DHX33: variants seen among roughly 807,000 people sequenced by gnomAD.
The protein encoded by DHX33 is DEAH-box helicase 33, also known as ATP-dependent RNA helicase DHX33.
A neutral mutation model predicts 72.5 loss-of-function variants in DHX33; 42 were observed. The observed-to-expected ratio is 0.58, with a 90% CI of 0.45 to 0.75. DHX33 has a LOEUF of 0.75. Ranked by LOEUF, DHX33 falls within the 30% of genes least tolerant of loss-of-function variation. The pLI, the probability that DHX33 is intolerant of heterozygous loss-of-function variation, is 0.00. For synonymous variants in DHX33, 358 were observed against 366.1 expected (o/e 0.98, Z 0.25); for missense variants, 842 against 917.5 (o/e 0.92, Z 1.06).
chr17:5,455,839 C>A lies in DHX33; in HGVS notation c.1035+158G>T, dbSNP rs147824174. Among the ~76,000 whole-genome samples, 3 of 152,326 alleles carry A rather than the reference C, an allele frequency of 2.0e-5. No homozygotes were observed. The East Asian group carries it at 5.8e-4, about 29-fold the overall frequency. On this transcript the variant is annotated intron_variant, in intron 5 of 11. Coordinates refer to ENST00000225296, the MANE Select transcript of DHX33 (RefSeq NM_020162.4). ...GTCACAGGAGCGCTGCGTGTGTCAC[C>A]GCGCATTTTATTCCTGCACCTCCTC...
At position 5,468,773 on chromosome 17, in the gene DHX33, C is replaced by T; in HGVS notation, c.87G>A (p.Gly29=). The change falls in exon 1 of 12, where the codon GGG becomes GGA. Residue 29 remains glycine, a synonymous_variant. Coordinates refer to ENST00000225296, the MANE Select transcript of DHX33 (RefSeq NM_020162.4). ...CAGTCAGCAGCATCACCACTTGCCT[C>T]CCGGGAGGGAAGGACCCAGCGCGGC... is the stretch of plus-strand genomic sequence containing the variant. ...PPSRAGSFPP[G]RQVVMLLTAG... is the part of the protein sequence containing the mutation. 6.2e-7 allele frequency: 1 copy of T among 1,609,674 alleles called. No individual in the cohort carries two copies. The highest frequency in any genetic ancestry group is 8.5e-7 in the Non-Finnish European group (1 of 1,178,328).
At chr17:5,461,398 T>C (rs1347008055) in intron 3 of DHX33, 9 of 184,594 alleles carry the variant, frequency 4.9e-5, no homozygotes, top group Middle Eastern at 2.0e-3. Context: ...GGCAGGCGGA[T>C]CACGAGGTCA....
At chr17:5,465,117 T>C (rs548533003) in intron 1 of DHX33, among the ~76,000 whole-genome samples, 1 of 152,350 alleles carries the variant, frequency 6.6e-6, no homozygotes. Flanking sequence ...CAGTAAATGT[T>C]ACTTCCTACC....
chr17:5,444,600 A>G lies in DHX33; in HGVS notation c.1816-87T>C. The stretch of plus-strand genomic sequence containing the variant: ...ACAGCGTGTTGGGGCAACTGGACCC[A>G]CTGGGGCAAAAGCAGCCCACATTGT... On this transcript the variant is annotated intron_variant, in intron 11 of 11. Coordinates refer to ENST00000225296, the MANE Select transcript of DHX33 (RefSeq NM_020162.4). The surrounding 1 kb of genome is among the most constrained non-coding windows in gnomAD (Gnocchi z 4.9). The G allele has an allele frequency of 7.2e-7, 1 of 1,381,536 alleles. No homozygotes were observed. The allele number at this position is 1,381,536 out of a possible 1,614,324, so 85.6% of individuals were successfully genotyped here. A position where few individuals can be genotyped will look rare whatever the true frequency, so the allele number is the denominator to read the frequency against.
At chr17:5,445,065 C>T (rs900733477) in intron 11 of DHX33, among the ~76,000 whole-genome samples, 1 of 151,952 alleles carries the variant, frequency 6.6e-6, no homozygotes, top group African/African-American at 2.4e-5. Flanking sequence ...TTCCTCTCAC[C>T]GCTCTTTTTC....
Position 5,453,918 on chromosome 17 carries a change from CTG to C in DHX33, c.1208_1209del (p.Thr403ArgfsTer21), listed in dbSNP as rs1294593230. 1.2e-6 allele frequency: 2 copies of C among 1,614,164 alleles called. No homozygotes were observed. Among genetic ancestry groups the C allele is most frequent in the South Asian group, 2.2e-5 (2 of 91,084 alleles). Reference protein sequence around the residue: ...RVSKTQAWQRTGRAGREDSGI... With the variant: ...RVSKTQAWQRXGRAGREDSGI... ...CCACTGTCCTCTCTGCCAGCCCTCC[CTG>C]TGCGCTGCCAAGCCTGCGTCTTCGA... On this transcript the variant is annotated frameshift_variant, in exon 7 of 12. Transcript: ENST00000225296. LOFTEE classifies it high-confidence loss of function.
At position 5,446,941 on chromosome 17, in the gene DHX33, C is replaced by T. The variant is rs1259473575; in HGVS notation, c.1815+1868G>A. ...TACAATAGGCTACTATGAGAAGAAACAGCTCTAGTGCCAACCGTAGGCCGT... is the reference window on the plus strand; with the variant it reads ...TACAATAGGCTACTATGAGAAGAAATAGCTCTAGTGCCAACCGTAGGCCGT... On this transcript the variant is annotated intron_variant, in intron 11 of 11. Transcript: ENST00000225296. 2.0e-5 allele frequency among the ~76,000 whole-genome samples: 3 copies of T among 152,272 alleles called. No homozygotes were observed. In the East Asian group the frequency reaches 5.8e-4, roughly 29 times the overall value.
chr17:5,455,919 G>A (rs1458595297), intron 5 of DHX33, 78 bp downstream of exon 5: 3 of 1,454,534 alleles, frequency 2.1e-6, no homozygotes, highest in East Asian at 5.0e-5. Flanking sequence ...TCTGGAGCCT[G>A]GTAACAGGTA....
At chr17:5,464,057 T>C (rs1221688826) in intron 1 of DHX33, among the ~76,000 whole-genome samples, 2 of 151,966 alleles carry the variant, frequency 1.3e-5, no homozygotes, top group African/African-American at 4.8e-5. Flanking sequence ...GCAAATCGGC[T>C]GGGCACAGTG....
intron 11 of DHX33, among the ~76,000 whole-genome samples, chr17:5,445,361 G>A (rs546698388): frequency 1.3e-5 from 2 of 152,280 alleles, no homozygotes; most frequent in African/African-American, 2.4e-5. Context: ...TTACAGGCGT[G>A]AGCCACCGCG....
intron 4 of DHX33, among the ~76,000 whole-genome samples, chr17:5,456,505 G>T (rs114857095): frequency 0.01 from 1,569 of 152,098 alleles, 25 homozygotes; most frequent in African/African-American, 0.036. Flanking sequence ...TTTTAAATTG[G>T]TCAGGGGTGG....
Position 5,444,653 on chromosome 17 carries a change from C to G in DHX33, c.1816-140G>C, listed in dbSNP as rs964874650. 1.1e-6 allele frequency: 1 copy of G among 903,498 alleles called. No individual in the cohort carries two copies. The highest frequency in any genetic ancestry group is 1.6e-6 in the Non-Finnish European group (1 of 606,470). 56.0% of individuals were successfully genotyped at this position (903,498 alleles called of 1,614,324 possible). A position where few individuals can be genotyped will look rare whatever the true frequency, so the allele number is the denominator to read the frequency against. ...GCCTAACGATGTGGATTCTGACATT[C>G]GGAGGTGGTCACCAAGGATCAGCAA... On this transcript the variant is annotated intron_variant, in intron 11 of 11. Coordinates refer to ENST00000225296, the MANE Select transcript of DHX33 (RefSeq NM_020162.4). The surrounding 1 kb of genome is among the most constrained non-coding windows in gnomAD (Gnocchi z 4.9).
At position 5,444,859 on chromosome 17, in the gene DHX33, C is replaced by T. The variant is rs996307834; in HGVS notation, c.1816-346G>A. 1.3e-5 allele frequency among the ~76,000 whole-genome samples: 2 copies of T among 152,166 alleles called. No homozygotes were observed. The highest frequency in any genetic ancestry group is 4.8e-5 in the African/African-American group (2 of 41,444). On this transcript the variant is annotated intron_variant, in intron 11 of 11. Transcript: ENST00000225296. The surrounding 1 kb of genome is among the most constrained non-coding windows in gnomAD (Gnocchi z 4.9). ...CCGGAAAGGAAAGGCCCTTCCCTCT[C>T]GCTTTGACCATCTCACCATCTCCTC...
chr17:5,448,909 A>G lies in DHX33; in HGVS notation c.1729-14T>C. 6.3e-7 allele frequency: 1 copy of G among 1,597,264 alleles called. No individual in the cohort carries two copies. The highest frequency in any genetic ancestry group is 2.2e-5 in the East Asian group (1 of 44,632). On this transcript the variant is annotated splice_polypyrimidine_tract_variant and intron_variant, in intron 10 of 11. Coordinates refer to ENST00000225296, the MANE Select transcript of DHX33 (RefSeq NM_020162.4). ...TTTGCACCAATCCTGAATAGGAGAA[A>G]GAGTGATATCACAATCCACTCATTC... is the stretch of plus-strand genomic sequence containing the variant.
At chr17:5,454,042 G>A (rs973222110) in intron 6 of DHX33, 62 bp from the exon 7 acceptor site, 3 of 1,568,364 alleles carry the variant, frequency 1.9e-6, no homozygotes, top group African/African-American at 1.4e-5. Context: ...CTACAGTGTC[G>A]ATAAAAAGAA....
intron 8 of DHX33, among the ~76,000 whole-genome samples, chr17:5,452,767 C>T (rs1233441761): frequency 6.6e-6 from 1 of 152,116 alleles, no homozygotes; most frequent in Admixed American, 6.6e-5. Flanking sequence ...ACTACATATA[C>T]TCATATATGC....
At chr17:5,445,357 GCGTGAGCCA>G (rs1424726999) in intron 11 of DHX33, among the ~76,000 whole-genome samples, 1 of 152,210 alleles carries the variant, frequency 6.6e-6, no homozygotes, top group Non-Finnish European at 1.5e-5. Flanking sequence ...GGGATTACAG[GCGTGAGCCA>G]CCGCGCCCGG....
rs766522743 is a variant in DHX33, at chr17:5,463,543, C to T, written c.436G>A (p.Glu146Lys). Residue 146 changes from glutamate (E) to lysine (K), a missense_variant, in exon 2 of 12, where the codon GAA becomes AAA. Glu to Lys is a moderately conservative substitution (Grantham distance 56). Transcript: ENST00000225296. ...GAACCAGGTACCAGCTTCCCAAGTT[C>T]AGTTCTCTTCTCATCTGAGACTCTA... is the stretch of plus-strand genomic sequence containing the variant. ...ATRVSDEKRT[E>K]LGKLVGYTVR... 6.2e-7 allele frequency: 1 copy of T among 1,613,974 alleles called. No individual in the cohort carries two copies. Among genetic ancestry groups the T allele is most frequent in the Non-Finnish European group, 8.5e-7 (1 of 1,179,914 alleles).
In DHX33 at chr17:5,461,124, G is replaced by A. The variant is rs768391845; in HGVS notation, c.679-15C>T. ...ATCACAATCACCTGCATAAGAGAAC[G>A]AAGAGGAGGACCAGAAACAAATAGT... On this transcript the variant is annotated splice_polypyrimidine_tract_variant and intron_variant, in intron 3 of 11. Transcript: ENST00000225296. The A allele has an allele frequency of 6.9e-6, 11 of 1,593,778 alleles. No individual in the cohort carries two copies. Among genetic ancestry groups the A allele is most frequent in the South Asian group, 1.1e-5 (1 of 89,956 alleles).
Sources: allele counts gnomAD v4.1 joint callset (sites outside exome capture counted in the v4.1 genomes callset), GRCh38; gene constraint gnomAD v4.1.1; non-coding constraint Gnocchi (gnomAD v3.1); transcripts MANE v1.5; gene names NCBI Gene and HGNC (gene_info 2026-07-23, HGNC 2026-07-21).